R3HDM1: variants seen among roughly 807,000 people sequenced by gnomAD.
R3HDM1 encodes the protein R3H domain containing 1.
R3HDM1 carries 46 observed loss-of-function variants against 141.1 expected under a neutral mutation model. The ratio of observed to expected loss-of-function variants is 0.33; its 90% CI spans 0.26 to 0.42. R3HDM1 has a LOEUF of 0.42. Among genes scored for constraint, R3HDM1 ranks in the 10% least tolerant of loss-of-function variants. R3HDM1 has a pLI of 1.00. For missense variants in R3HDM1, 1,184 were observed against 1,368.3 expected (o/e 0.87, Z 2.12); for synonymous variants, 435 against 472.9 (o/e 0.92, Z 1.04).
intron 21 of R3HDM1, among the ~76,000 whole-genome samples, chr2:135,704,399 A>G (rs1575140890): frequency 6.6e-6 from 1 of 152,210 alleles, no homozygotes; most frequent in African/African-American, 2.4e-5. Flanking sequence ...ACTTTCTACT[A>G]TAACATTTAA....
chr2:135,691,837 G>A (rs1236985241), intron 21 of R3HDM1, among the ~76,000 whole-genome samples: 4 of 152,100 alleles, frequency 2.6e-5, no homozygotes, highest in East Asian at 1.9e-4. Flanking sequence ...GAGTTAAATA[G>A]TAAAATTCTA....
rs112728897 is a variant in R3HDM1 at position 135,609,752 on chromosome 2, C to T, written c.171+4736C>T. On this transcript the variant is annotated intron_variant, in intron 3 of 26. Transcript: ENST00000683871. ...ATAGGTTTTTCAGATTACAATTAGT[C>T]TAAATTAGCCTGGTGCGGTGGCACA... Among the ~76,000 whole-genome samples the T allele has an allele frequency of 1.3e-3, 193 of 152,042 alleles. 2 individuals carry two copies. Among genetic ancestry groups the T allele is most frequent in the African/African-American group, 4.2e-3 (176 of 41,474 alleles).
intron 3 of R3HDM1, among the ~76,000 whole-genome samples, chr2:135,611,420 T>A (rs532648887): frequency 6.6e-6 from 1 of 152,242 alleles, no homozygotes; most frequent in East Asian, 1.9e-4. Flanking sequence ...AAGATATATG[T>A]AATGTACCTA....
intron 19 of R3HDM1, among the ~76,000 whole-genome samples, chr2:135,662,005 A>C (rs1404567377): frequency 6.6e-6 from 1 of 152,250 alleles, no homozygotes; most frequent in African/African-American, 2.4e-5. Context: ...ATTTTCTTCA[A>C]GCATTCAGTG....
chr2:135,585,294 T>C (rs1306289017), intron 1 of R3HDM1, among the ~76,000 whole-genome samples: 1 of 152,268 alleles, frequency 6.6e-6, no homozygotes, highest in Non-Finnish European at 1.5e-5. Flanking sequence ...TATCTTTTAG[T>C]GTTTGTCAAG....
intron 23 of R3HDM1, among the ~76,000 whole-genome samples, chr2:135,715,077 C>T (rs543094149): frequency 2.3e-4 from 35 of 152,296 alleles, no homozygotes; most frequent in African/African-American, 7.2e-4. Flanking sequence ...TGGCCAGGTG[C>T]GATGGCTCAC....
At chr2:135,649,793 A>G in intron 16 of R3HDM1, 109 bp from the exon 17 acceptor site, 1 of 460,862 alleles carries the variant, frequency 2.2e-6, no homozygotes, top group Non-Finnish European at 3.1e-6. Context: ...AAATGACTTT[A>G]TAAATGTAGT....
At chr2:135,647,141 G>A (rs1393050656) in intron 16 of R3HDM1, among the ~76,000 whole-genome samples, 1 of 152,184 alleles carries the variant, frequency 6.6e-6, no homozygotes, top group East Asian at 1.9e-4. Context: ...GTTAATGTAT[G>A]TAGAAGAGAT....
chr2:135,723,840 A>T, intron 26 of R3HDM1, 97 bp from the exon 27 acceptor site: 1 of 774,920 alleles, frequency 1.3e-6, no homozygotes. Flanking sequence ...GTGTATTCGA[A>T]TGGTCATTTC....
chr2:135,713,209 A>G (rs143248378), intron 23 of R3HDM1, among the ~76,000 whole-genome samples: 15 of 152,286 alleles, frequency 9.8e-5, no homozygotes, highest in African/African-American at 3.1e-4. Flanking sequence ...CTCAAAAAAA[A>G]CAAAAGGAGG....
chr2:135,561,814 TAAG>T (rs1701858157), intron 1 of R3HDM1, among the ~76,000 whole-genome samples: 1 of 151,990 alleles, frequency 6.6e-6, no homozygotes, highest in Non-Finnish European at 1.5e-5. Flanking sequence ...ACACAAGCGG[TAAG>T]AAGATTTGAC....
chr2:135,669,138 A>G, intron 19 of R3HDM1: 1 of 984,134 alleles, frequency 1.0e-6, no homozygotes, highest in Non-Finnish European at 1.2e-6. Flanking sequence ...TATGCGTATA[A>G]TCTAATTATA....
chr2:135,559,344 G>A (rs1054982605), intron 1 of R3HDM1, among the ~76,000 whole-genome samples: 3 of 151,812 alleles, frequency 2.0e-5, no homozygotes, highest in African/African-American at 4.8e-5. Context: ...CTCAAATTCC[G>A]GGGCTCAAGC....
chr2:135,622,145 A>T (rs1048246533), intron 6 of R3HDM1: 1 of 984,186 alleles, frequency 1.0e-6, no homozygotes, highest in Non-Finnish European at 1.2e-6. Flanking sequence ...TAGCATGAAT[A>T]TTTGAAAAGT....
At chr2:135,667,705 A>G in intron 19 of R3HDM1, 4 of 978,738 alleles carry the variant, frequency 4.1e-6, no homozygotes, top group Non-Finnish European at 4.9e-6. Context: ...GATACTTTTC[A>G]TTCTCTAGAA....
chr2:135,557,940 G>A (rs1342408892), intron 1 of R3HDM1, among the ~76,000 whole-genome samples: 2 of 152,180 alleles, frequency 1.3e-5, no homozygotes, highest in Non-Finnish European at 2.9e-5. Context: ...TCAGATCTTA[G>A]AATACATTAA....
intron 1 of R3HDM1, among the ~76,000 whole-genome samples, chr2:135,550,908 C>T (rs901772837): frequency 1.3e-5 from 2 of 152,156 alleles, no homozygotes; most frequent in Non-Finnish European, 2.9e-5. Flanking sequence ...AATTATACTT[C>T]GTATTTTGTT....
At chr2:135,657,294 C>G (rs944755157) in intron 18 of R3HDM1, among the ~76,000 whole-genome samples, 1 of 151,476 alleles carries the variant, frequency 6.6e-6, no homozygotes, top group African/African-American at 2.4e-5. Context: ...ACCTGTAATC[C>G]CAGCTACTCG....
rs200164972 is a variant in R3HDM1, at chr2:135,552,193, CT to C, written c.-250+20566del. Reference sequence around the variant, plus strand: ...ATGACCTAATCCAGAATTTTTTTTTCTTTTTTGGGGGGTGCGGGGAGGGACA... The same window carrying C: ...ATGACCTAATCCAGAATTTTTTTTTCTTTTTGGGGGGTGCGGGGAGGGACA... On this transcript the variant is annotated intron_variant, in intron 1 of 26. Coordinates refer to ENST00000683871, the MANE Select transcript of R3HDM1 (RefSeq NM_001378107.1). 9.8e-3 allele frequency among the ~76,000 whole-genome samples: 1,482 copies of C among 150,876 alleles called. 22 individuals are homozygous for C. The highest frequency in any genetic ancestry group is 0.034 in the African/African-American group (1,414 of 41,230).
Sources: gnomAD v4.1 joint callset for allele counts (sites outside exome capture counted in the v4.1 genomes callset) on GRCh38, gnomAD v4.1.1 for gene constraint, MANE v1.5 for transcripts, NCBI Gene and HGNC (gene_info 2026-07-23, HGNC 2026-07-21) for gene names.